UBTD1: variants seen among roughly 807,000 people sequenced by gnomAD.
The protein encoded by UBTD1 is ubiquitin domain containing 1.
UBTD1 carries 19 observed loss-of-function variants against 21.7 expected under a neutral mutation model. The ratio of observed to expected loss-of-function variants is 0.87; its 90% CI spans 0.61 to 1.28. The LOEUF (loss-of-function observed/expected upper bound fraction) is 1.28, where lower values mean the gene tolerates loss of function less well. Among genes scored for constraint, UBTD1 ranks in the 50% most tolerant of loss-of-function variants. The probability of loss-of-function intolerance (pLI) is 0.00; values close to 1 mark genes in which losing one functional copy is unlikely to be tolerated. For synonymous variants in UBTD1, 116 were observed against 135.1 expected, an observed-to-expected ratio of 0.86 and a Z score of 0.98; for missense variants, 282 against 315.1, an observed-to-expected ratio of 0.89 and a Z score of 0.80.
chr10:97,566,157 C>T (rs1222029599), intron 1 of UBTD1, among the ~76,000 whole-genome samples: 1 of 152,144 alleles, frequency 6.6e-6, no homozygotes, highest in Non-Finnish European at 1.5e-5. Flanking sequence ...TTAAGGCCCT[C>T]ATCCCTTAAC....
rs1300122897 is a variant in UBTD1 at position 97,528,360 on chromosome 10, C to A, written c.70+29087C>A. 1.7e-3 allele frequency among the ~76,000 whole-genome samples: 203 copies of A among 120,056 alleles called. 1 individual carries two copies. Among genetic ancestry groups the A allele is most frequent in the Non-Finnish European group, 2.7e-3 (154 of 56,644 alleles). The allele number at this position is 120,056 out of a possible 152,430, so 78.8% of individuals were successfully genotyped here. A position where few individuals can be genotyped will look rare whatever the true frequency, so the allele number is the denominator to read the frequency against. On this transcript the variant is annotated intron_variant, in intron 1 of 2. Coordinates refer to ENST00000370664, the MANE Select transcript of UBTD1 (RefSeq NM_024954.5). ...TCGCCTGGCGGGGGGCTGACCCCCC[C>A]ACCTCCCTCCCGGACAGGGCGGCTG...
intron 1 of UBTD1, among the ~76,000 whole-genome samples, chr10:97,553,427 A>T (rs1379157425): frequency 6.6e-6 from 1 of 152,238 alleles, no homozygotes; most frequent in East Asian, 1.9e-4. Flanking sequence ...CACCGCGGCC[A>T]GCCAATATCT....
chr10:97,512,680 C>T (rs1198682528), intron 1 of UBTD1, among the ~76,000 whole-genome samples: 1 of 152,224 alleles, frequency 6.6e-6, no homozygotes, highest in African/African-American at 2.4e-5. Flanking sequence ...TAGCTGTGTC[C>T]TGCTGTGACA....
intron 1 of UBTD1, among the ~76,000 whole-genome samples, chr10:97,525,470 T>A (rs972099784): frequency 6.6e-6 from 1 of 152,112 alleles, no homozygotes; most frequent in African/African-American, 2.4e-5. Context: ...TTTCAAAAGA[T>A]GGGGTATCTT....
chr10:97,545,334 G>A (rs1188976679), intron 1 of UBTD1, among the ~76,000 whole-genome samples: 2 of 101,718 alleles, frequency 2.0e-5, no homozygotes, highest in Admixed American at 1.1e-4. Context: ...GCGAGACTCC[G>A]TCTCAAAAAA....
chr10:97,568,476 CAGT>C (rs2040728945), intron 2 of UBTD1, among the ~76,000 whole-genome samples: 1 of 151,864 alleles, frequency 6.6e-6, no homozygotes, highest in Non-Finnish European at 1.5e-5. Flanking sequence ...GGCTGAGGCT[CAGT>C]GGTGGGATCT....
At chr10:97,508,526 A>G (rs2040408502) in intron 1 of UBTD1, among the ~76,000 whole-genome samples, 2 of 152,272 alleles carry the variant, frequency 1.3e-5, no homozygotes, top group Admixed American at 1.3e-4. Context: ...CAGCCTGAGG[A>G]TGTTGATTCA....
intron 1 of UBTD1, among the ~76,000 whole-genome samples, chr10:97,548,922 C>T (rs748383002): frequency 2.0e-4 from 31 of 152,228 alleles, no homozygotes; most frequent in Non-Finnish European, 4.1e-4. Flanking sequence ...CCACCCTTCC[C>T]CGAGCCCGGC....
intron 1 of UBTD1, among the ~76,000 whole-genome samples, chr10:97,532,076 G>C (rs1023586473): frequency 6.6e-6 from 1 of 152,194 alleles, no homozygotes; most frequent in African/African-American, 2.4e-5. Context: ...GGGACAGCCA[G>C]GTGGGACACT....
At chr10:97,504,436 A>AC (rs1157508880) in intron 1 of UBTD1, among the ~76,000 whole-genome samples, 2 of 151,384 alleles carry the variant, frequency 1.3e-5, no homozygotes, top group Non-Finnish European at 2.9e-5. Flanking sequence ...ACCTTGTTCA[A>AC]CCCCCCGATA....
rs79417982 is a variant in UBTD1, at chr10:97,526,008, G to A, written c.70+26735G>A. ...ATCACTATTAACAAGGTTCCTGGCA[G>A]CAGCAAGGAAGATGGTCAGAGTGGG... On this transcript the variant is annotated intron_variant, in intron 1 of 2. Transcript: ENST00000370664. 4.3e-3 allele frequency among the ~76,000 whole-genome samples: 662 copies of A among 152,270 alleles called. 18 individuals carry two copies. The East Asian group carries it at 0.076, about 17-fold the overall frequency.
intron 1 of UBTD1, among the ~76,000 whole-genome samples, chr10:97,528,393 G>A (rs1186229739): frequency 9.8e-5 from 8 of 81,280 alleles, no homozygotes; most frequent in African/African-American, 1.9e-4. Flanking sequence ...CTGGCCGGGC[G>A]GGGGGCTGAC....
intron 1 of UBTD1, among the ~76,000 whole-genome samples, chr10:97,533,797 C>T (rs1052670708): frequency 1.3e-5 from 2 of 152,012 alleles, no homozygotes; most frequent in African/African-American, 4.8e-5. Context: ...GTGGTGCAGA[C>T]CTGTAGTCCC....
At chr10:97,551,872 A>G (rs11189274) in intron 1 of UBTD1, among the ~76,000 whole-genome samples, 87,422 of 152,042 alleles carry the variant, frequency 0.57, 27,486 homozygotes, top group Non-Finnish European at 0.73. Context: ...TGCCAATGAA[A>G]TATAACCACT....
At chr10:97,533,525 G>A (rs138459695) in intron 1 of UBTD1, among the ~76,000 whole-genome samples, 3 of 152,326 alleles carry the variant, frequency 2.0e-5, no homozygotes, top group Non-Finnish European at 4.4e-5. Context: ...GGCTGGTGGA[G>A]CGTGTCTGAG....
chr10:97,532,290 A>G (rs2135670561), intron 1 of UBTD1, among the ~76,000 whole-genome samples: 1 of 152,258 alleles, frequency 6.6e-6, no homozygotes, highest in East Asian at 1.9e-4. Context: ...TTCCTCCCAA[A>G]GCCTTTCCTG....
chr10:97,561,701 C>A (rs1013586176), intron 1 of UBTD1, among the ~76,000 whole-genome samples: 1 of 151,826 alleles, frequency 6.6e-6, no homozygotes, highest in African/African-American at 2.4e-5. Context: ...TTGGGCCTGG[C>A]GCCGGGCTGC....
chr10:97,527,445 TTTTATTTA>T (rs36005101), intron 1 of UBTD1, among the ~76,000 whole-genome samples: 19 of 149,644 alleles, frequency 1.3e-4, no homozygotes, highest in African/African-American at 4.1e-4. Flanking sequence ...TGCCCTTCTT[TTTTATTTA>T]TTTATTTATT....
chr10:97,554,442 T>C (rs933054727), intron 1 of UBTD1, among the ~76,000 whole-genome samples: 5 of 152,006 alleles, frequency 3.3e-5, no homozygotes, highest in Admixed American at 2.6e-4. Flanking sequence ...ATATGGTGTT[T>C]TTCCATGTTG....
Sources: allele counts gnomAD v4.1 joint callset (sites outside exome capture counted in the v4.1 genomes callset), GRCh38; gene constraint gnomAD v4.1.1; transcripts MANE v1.5; gene names NCBI Gene and HGNC (gene_info 2026-07-23, HGNC 2026-07-21).